The following MAPK6 variants were observed in gnomAD, a reference collection of about 807,000 sequenced individuals.
MAPK6 encodes the protein ERK-3.
In MAPK6, 19 loss-of-function variants were observed where a neutral mutation model predicts 59.3. That is an observed-to-expected ratio of 0.32 (90% CI 0.22 to 0.47). The LOEUF (loss-of-function observed/expected upper bound fraction) is 0.47, where lower values mean the gene tolerates loss of function less well. Ranked by LOEUF, MAPK6 falls within the 20% of genes least tolerant of loss-of-function variation. The probability of loss-of-function intolerance (pLI) is 1.00; values close to 1 mark genes in which losing one functional copy is unlikely to be tolerated. For synonymous variants in MAPK6, 316 were observed against 290.3 expected (o/e 1.09, Z -0.90); for missense variants, 724 against 847.9 (o/e 0.85, Z 1.81).
intron 1 of MAPK6, chr15:52,019,834 A>G (rs897808953): frequency 3.9e-5 from 6 of 152,362 alleles, no homozygotes; most frequent in Non-Finnish European, 8.8e-5. Flanking sequence ...CCCGGGGAAC[A>G]TGAGGTGGCG....
At chr15:52,040,599 C>T (rs1255559771) in intron 1 of MAPK6, among the ~76,000 whole-genome samples, 4 of 152,182 alleles carry the variant, frequency 2.6e-5, no homozygotes, top group Admixed American at 1.3e-4. Context: ...AAAGAAAATT[C>T]TGGCGAGATA....
Position 52,046,621 on chromosome 15 carries a change from C to G in MAPK6, c.161C>G (p.Thr54Ser), listed in dbSNP as rs536294389. Residue 54 changes from threonine to serine, a missense_variant, in exon 2 of 6, where the codon ACT becomes AGT. By Grantham distance (58) the Thr-to-Ser change is moderately conservative (BLOSUM62 1). Coordinates refer to ENST00000261845, the MANE Select transcript of MAPK6 (RefSeq NM_002748.4). ...KRVAIKKIVL[T>S]DPQSVKHALR... is the part of the protein sequence containing the mutation. ...GTAGCCATCAAGAAAATTGTCCTTACTGATCCCCAGAGTGTCAAACATGCT... is the reference window on the plus strand; with the variant it reads ...GTAGCCATCAAGAAAATTGTCCTTAGTGATCCCCAGAGTGTCAAACATGCT... 1.6e-4 allele frequency: 253 copies of G among 1,614,188 alleles called. 3 individuals carry two copies. In the South Asian group the frequency reaches 2.6e-3, roughly 16 times the overall value.
At chr15:51,998,524 C>G (rs1452555807) in intron 2 of MAPK6, among the ~76,000 whole-genome samples, 73 of 139,812 alleles carry the variant, frequency 5.2e-4, no homozygotes, top group African/African-American at 2.0e-3. Flanking sequence ...TTTTTTCTCC[C>G]CTCTCTCTTT....
rs778184504 is a variant in MAPK6, at chr15:52,064,698, G to C, written c.1864G>C (p.Glu622Gln). ...AAGGAAGGATGAACAAGTTGAGAAG[G>C]AAAACACTTACACTAGTTACTTGGA... ...EVRKDEQVEKENTYTSYLDKF... is the reference protein window; with the variant it reads ...EVRKDEQVEKQNTYTSYLDKF... Residue 622 changes from glutamate (E) to glutamine (Q), a missense_variant, in exon 6 of 6, where the codon GAA (glutamate) becomes CAA (glutamine). Glu to Gln is a conservative substitution (Grantham distance 29). This residue lies in a region of MAPK6 where 502 missense variants were observed against 507.6 expected (regional missense o/e 0.99). Coordinates refer to ENST00000261845, the MANE Select transcript of MAPK6 (RefSeq NM_002748.4). The C allele has an allele frequency of 5.0e-6, 8 of 1,611,784 alleles. No individual in the cohort carries two copies. The African/African-American group carries it at 1.1e-4, about 22-fold the overall frequency.
Position 52,058,587 on chromosome 15 carries a change from AGT to A in MAPK6, c.701-45_701-44del, listed in dbSNP as rs762278208. 1.3e-5 allele frequency: 20 copies of A among 1,485,188 alleles called. No individual in the cohort carries two copies. In the East Asian group the frequency reaches 4.8e-4, roughly 36 times the overall value. The allele number at this position is 1,485,188 out of a possible 1,614,324, so 92.0% of individuals were successfully genotyped here. A position where few individuals can be genotyped will look rare whatever the true frequency, so the allele number is the denominator to read the frequency against. On this transcript the variant is annotated intron_variant, in intron 3 of 5. Transcript: ENST00000261845. ...AGTTTAGTATGTTTATTGTGAAATA[AGT>A]AAACATTGAGGAATGTGTTTTTTTG...
chr15:52,023,106 CAAAAAAAAA>C (rs60315520), intron 1 of MAPK6, among the ~76,000 whole-genome samples: 2 of 73,652 alleles, frequency 2.7e-5, no homozygotes, highest in African/African-American at 1.1e-4. Flanking sequence ...GACTCCGTCT[CAAAAAAAAA>C]AAAAAAAAAA....
chr15:51,999,461 A>G (rs1337450205), intron 2 of MAPK6, among the ~76,000 whole-genome samples: 1 of 152,108 alleles, frequency 6.6e-6, no homozygotes, highest in Non-Finnish European at 1.5e-5. Context: ...TCCTTTGCCT[A>G]TTGTAAAAAT....
At chr15:52,050,326 C>T (rs1037358527) in intron 3 of MAPK6, among the ~76,000 whole-genome samples, 189 bp downstream of exon 3, 1 of 152,226 alleles carries the variant, frequency 6.6e-6, no homozygotes, top group African/African-American at 2.4e-5. Flanking sequence ...TTGGTCACTT[C>T]ATAAATTATC....
At chr15:52,016,708 G>A (rs2030281813), upstream of MAPK6, among the ~76,000 whole-genome samples, 1 of 151,946 alleles carries the variant, frequency 6.6e-6, no homozygotes, top group African/African-American at 2.4e-5. Context: ...ACACAAATTT[G>A]TCCCAAACCC....
chr15:52,048,324 G>T (rs2031661901), intron 2 of MAPK6, among the ~76,000 whole-genome samples: 1 of 151,834 alleles, frequency 6.6e-6, no homozygotes, highest in Non-Finnish European at 1.5e-5. Context: ...CCACATTAAG[G>T]TATTTTTACT....
chr15:52,028,098 G>A (rs1368100056), intron 1 of MAPK6, among the ~76,000 whole-genome samples: 3 of 151,752 alleles, frequency 2.0e-5, no homozygotes, highest in Non-Finnish European at 2.9e-5. Context: ...GACTACAGGC[G>A]CCTGCCACCA....
intron 1 of MAPK6, among the ~76,000 whole-genome samples, chr15:52,022,906 G>A (rs939384430): frequency 8.6e-5 from 13 of 151,960 alleles, no homozygotes; most frequent in Admixed American, 7.9e-4. Flanking sequence ...TCAGGAAATC[G>A]AGACCATCCT....
At chr15:52,031,130 C>A (rs1252746870) in intron 1 of MAPK6, among the ~76,000 whole-genome samples, 1 of 151,820 alleles carries the variant, frequency 6.6e-6, no homozygotes, top group Non-Finnish European at 1.5e-5. Context: ...ACAGGGTTTC[C>A]CCCTGTTGGC....
rs527449908 is a variant in MAPK6, at chr15:52,050,458, C to T, written c.700+321C>T. ...ATCACTTCCTGGTGAAAATTTTAAG[C>T]CATTGTTGAAAATCCAACAAATTTT... is the stretch of plus-strand genomic sequence containing the variant. On this transcript the variant is annotated intron_variant, in intron 3 of 5. Transcript: ENST00000261845. Among the ~76,000 whole-genome samples, 354 of 152,292 alleles carry T rather than the reference C, an allele frequency of 2.3e-3. 1 individual carries two copies. The highest frequency in any genetic ancestry group is 8.1e-3 in the African/African-American group (336 of 41,550).
At chr15:52,006,283 C>T (rs530677931) in intron 3 of MAPK6, among the ~76,000 whole-genome samples, 2 of 152,264 alleles carry the variant, frequency 1.3e-5, no homozygotes, top group South Asian at 4.2e-4. Flanking sequence ...TACCTGGAAT[C>T]ATGCATTTAA....
chr15:51,990,950 T>A (rs2057206215), intron 2 of MAPK6, among the ~76,000 whole-genome samples: 1 of 151,722 alleles, frequency 6.6e-6, no homozygotes, highest in Admixed American at 6.6e-5. Flanking sequence ...CAAGACTCTG[T>A]CTCAAAACAA....
chr15:52,024,505 A>G (rs1447319811), intron 1 of MAPK6: 1 of 149,882 alleles, frequency 6.7e-6, no homozygotes, highest in Non-Finnish European at 1.5e-5. Flanking sequence ...GGTTCACGCC[A>G]TTCTCTTGCC....
At chr15:52,038,785 T>C (rs1771917994) in intron 1 of MAPK6, among the ~76,000 whole-genome samples, 2 of 152,168 alleles carry the variant, frequency 1.3e-5, no homozygotes, top group African/African-American at 4.8e-5. Flanking sequence ...ATTATAATTA[T>C]TTAAAAATTT....
At chr15:52,018,311 G>C (rs1015281695), upstream of MAPK6, among the ~76,000 whole-genome samples, 5 of 152,182 alleles carry the variant, frequency 3.3e-5, no homozygotes, top group African/African-American at 1.2e-4. Flanking sequence ...TTACAGGCGT[G>C]AACCACCACG....
Sources: gnomAD v4.1 joint callset for allele counts (sites outside exome capture counted in the v4.1 genomes callset) on GRCh38, gnomAD v4.1.1 for gene constraint, gnomAD v4.1.1 regional missense constraint, MANE v1.5 for transcripts, NCBI Gene and HGNC (gene_info 2026-07-23, HGNC 2026-07-21) for gene names.